The following DOCK5 variants were observed in gnomAD, a reference collection of about 807,000 sequenced individuals.
DOCK5 encodes the protein dedicator of cytokinesis 5.
DOCK5 carries 142 observed loss-of-function variants against 251.8 expected under a neutral mutation model. The ratio of observed to expected loss-of-function variants is 0.56; its 90% CI spans 0.49 to 0.65. DOCK5 has a LOEUF of 0.65. Ranked by LOEUF, DOCK5 falls within the 30% of genes least tolerant of loss-of-function variation. The pLI is 0.00. For missense variants in DOCK5, 2,111 were observed against 2,312.3 expected, an observed-to-expected ratio of 0.91 and a Z score of 1.79; for synonymous variants, 842 against 835.5, an observed-to-expected ratio of 1.01 and a Z score of -0.13.
In DOCK5 at chr8:25,292,107, G is replaced by A. The variant is rs771880607; in HGVS notation, c.405G>A (p.Thr135=). Reference sequence around the variant, plus strand: ...GGCGGTCCCAGATCCTGTCTGGGACGCTCCCCAAGGATGAACTGGCAGAGC... The same window carrying A: ...GGCGGTCCCAGATCCTGTCTGGGACACTCCCCAAGGATGAACTGGCAGAGC... ...IEWRSQILSG[T]LPKDELAELK... The change falls in exon 6 of 52, where the codon ACG becomes ACA. Residue 135 remains threonine, a synonymous_variant. Transcript: ENST00000276440. 1.2e-5 allele frequency: 19 copies of A among 1,588,774 alleles called. No homozygotes were observed. Among genetic ancestry groups the A allele is most frequent in the Non-Finnish European group, 1.4e-5 (16 of 1,166,952 alleles).
At chr8:25,365,561 G>T (rs1035812786) in intron 30 of DOCK5, among the ~76,000 whole-genome samples, 1 of 152,192 alleles carries the variant, frequency 6.6e-6, no homozygotes, top group African/African-American at 2.4e-5. Flanking sequence ...GAATTTTCTG[G>T]CGTTTAAATA....
intron 13 of DOCK5, among the ~76,000 whole-genome samples, 198 bp downstream of exon 13, chr8:25,310,730 A>C (rs1023215382): frequency 5.9e-5 from 9 of 152,208 alleles, no homozygotes; most frequent in African/African-American, 2.2e-4. Context: ...ACAAATATAA[A>C]AACCTCTGCT....
intron 16 of DOCK5, 136 bp downstream of exon 16, chr8:25,321,188 C>G (rs1247370685): frequency 2.8e-6 from 2 of 717,668 alleles, no homozygotes; most frequent in Non-Finnish European, 4.7e-6. Context: ...CTCACTGGTG[C>G]TAAGGAAATC....
At chr8:25,215,638 A>G (rs1802224606) in intron 1 of DOCK5, among the ~76,000 whole-genome samples, 2 of 152,090 alleles carry the variant, frequency 1.3e-5, no homozygotes, top group African/African-American at 2.4e-5. Context: ...TCCCTTGGTC[A>G]TTGTGTTATT....
chr8:25,320,887 G>A lies in DOCK5; in HGVS notation c.1543-93G>A, dbSNP rs576498615. 54 of 1,088,814 alleles carry A rather than the reference G, an allele frequency of 5.0e-5. No individual in the cohort carries two copies. In the African/African-American group the frequency reaches 6.7e-4, roughly 14 times the overall value. The allele number at this position is 1,088,814 out of a possible 1,614,324, so 67.4% of individuals were successfully genotyped here. ...CTCACTCTCTAGTAATTTGTGCTGTGGAAAGTATAAAATTGAGCCTAATTC... is the reference window on the plus strand; with the variant it reads ...CTCACTCTCTAGTAATTTGTGCTGTAGAAAGTATAAAATTGAGCCTAATTC... On this transcript the variant is annotated intron_variant, in intron 15 of 51. Transcript: ENST00000276440.
At position 25,332,299 on chromosome 8, in the gene DOCK5, A is replaced by G. The variant is rs1805700631; in HGVS notation, c.1952A>G (p.Lys651Arg). 1.2e-6 allele frequency: 2 copies of G among 1,613,614 alleles called. No homozygotes were observed. Among genetic ancestry groups the G allele is most frequent in the East Asian group, 4.5e-5 (2 of 44,812 alleles). Reference sequence around the variant, plus strand: ...TGGCGTTCCAACTCCCAGAACATTAAACACAACCTAAAGAAGTTAATGGAA... The same window carrying G: ...TGGCGTTCCAACTCCCAGAACATTAGACACAACCTAAAGAAGTTAATGGAA... Reference protein sequence around the residue: ...LNWRSNSQNIKHNLKKLMEVD... With the variant: ...LNWRSNSQNIRHNLKKLMEVD... Residue 651 changes from lysine to arginine, a missense_variant, in exon 19 of 52, where the codon AAA becomes AGA. Lys to Arg is a conservative substitution (Grantham distance 26, BLOSUM62 2). Transcript: ENST00000276440.
At chr8:25,294,569 C>T (rs560366008) in intron 6 of DOCK5, among the ~76,000 whole-genome samples, 1 of 152,216 alleles carries the variant, frequency 6.6e-6, no homozygotes, top group African/African-American at 2.4e-5. Context: ...AGGGATTGCA[C>T]CCACGATATG....
intron 1 of DOCK5, among the ~76,000 whole-genome samples, chr8:25,233,059 G>A (rs1802710681): frequency 6.6e-6 from 1 of 152,022 alleles, no homozygotes; most frequent in African/African-American, 2.4e-5. Context: ...TCTTCTCTCT[G>A]GTTCTCTGCC....
In DOCK5 at chr8:25,358,972, G is replaced by A. The variant is rs769524180; in HGVS notation, c.2860G>A (p.Val954Met). The part of the protein sequence containing the change: ...NRQSPHIGSF[V>M]ACMIALLQQM... Reference sequence around the variant, plus strand: ...TTCCTTTTCCTTCCAGGGGAGTTTTGTGGCTTGCATGATTGCCCTGCTGCA... The same window carrying A: ...TTCCTTTTCCTTCCAGGGGAGTTTTATGGCTTGCATGATTGCCCTGCTGCA... Residue 954 changes from valine to methionine, a missense_variant, in exon 28 of 52, where the codon GTG (valine) becomes ATG (methionine). Physicochemically the swap from Val to Met is conservative, Grantham distance 21 (BLOSUM62 1). This residue lies in a region of DOCK5 where 1,717 missense variants were observed against 1,892.4 expected (regional missense o/e 0.91). Coordinates refer to ENST00000276440, the MANE Select transcript of DOCK5 (RefSeq NM_024940.8). 4 of 1,613,858 alleles carry A rather than the reference G, an allele frequency of 2.5e-6. No individual in the cohort carries two copies. In the South Asian group the frequency reaches 4.4e-5, roughly 18 times the overall value.
At position 25,240,347 on chromosome 8, in the gene DOCK5, A is replaced by G. The variant is rs567721732; in HGVS notation, c.44-3327A>G. ...CATAAAATCCACCCGTTTTAAGCATATAATTCACTGATTTTTAGTAAATTT... is the reference window on the plus strand; with the variant it reads ...CATAAAATCCACCCGTTTTAAGCATGTAATTCACTGATTTTTAGTAAATTT... On this transcript the variant is annotated intron_variant, in intron 1 of 51. Coordinates refer to ENST00000276440, the MANE Select transcript of DOCK5 (RefSeq NM_024940.8). Among the ~76,000 whole-genome samples, 8 of 151,996 alleles carry G rather than the reference A, an allele frequency of 5.3e-5. No individual in the cohort carries two copies. In the South Asian group the frequency reaches 1.7e-3, roughly 31 times the overall value.
intron 40 of DOCK5, among the ~76,000 whole-genome samples, chr8:25,385,982 A>G (rs146760374): frequency 6.6e-6 from 1 of 152,356 alleles, no homozygotes; most frequent in African/African-American, 2.4e-5. Flanking sequence ...TAGCAGGTCC[A>G]AAAGCTATGA....
rs1801656467 is a variant in DOCK5 at position 25,412,913 on chromosome 8, T to C, written c.*1615T>C. 1 of 152,134 alleles carries C rather than the reference T, an allele frequency of 6.6e-6. No individual in the cohort carries two copies. Among genetic ancestry groups the C allele is most frequent in the Non-Finnish European group, 1.5e-5 (1 of 68,030 alleles). 9.4% of individuals were successfully genotyped at this position (152,134 alleles called of 1,614,324 possible). The stretch of plus-strand genomic sequence containing the variant: ...TCCAGGGCGTTACTTAAGAAATGAG[T>C]ATGCAGATTCTGGAAGGGGTGTGGA... On this transcript the variant is annotated 3_prime_UTR_variant, in exon 52 of 52. Transcript: ENST00000276440.
chr8:25,251,992 CAAAA>C (rs35842362), intron 2 of DOCK5, among the ~76,000 whole-genome samples: 16 of 136,296 alleles, frequency 1.2e-4, no homozygotes, highest in African/African-American at 1.9e-4. Flanking sequence ...GACTCTATCT[CAAAA>C]AAAAAAAAAA....
chr8:25,287,356 G>T (rs924005359), intron 5 of DOCK5, among the ~76,000 whole-genome samples: 1 of 152,040 alleles, frequency 6.6e-6, no homozygotes, highest in Non-Finnish European at 1.5e-5. Flanking sequence ...AACCCAGGAG[G>T]TGGAGGTTGC....
At chr8:25,294,210 G>T (rs943728922) in intron 6 of DOCK5, among the ~76,000 whole-genome samples, 2 of 152,164 alleles carry the variant, frequency 1.3e-5, no homozygotes, top group African/African-American at 4.8e-5. Context: ...AAATGGAGCT[G>T]CTGTGTCAGT....
At chr8:25,381,859 C>T (rs752386736) in intron 39 of DOCK5, among the ~76,000 whole-genome samples, 101 of 152,012 alleles carry the variant, frequency 6.6e-4, no homozygotes, top group Admixed American at 1.3e-3. Flanking sequence ...AGCTGGAAAG[C>T]CCCTCATCTT....
chr8:25,317,773 G>T (rs1358865399), intron 14 of DOCK5, among the ~76,000 whole-genome samples: 1 of 152,110 alleles, frequency 6.6e-6, no homozygotes, highest in Non-Finnish European at 1.5e-5. Flanking sequence ...ACCACGCCCG[G>T]CTAATTTTTT....
chr8:25,261,962 T>C (rs1391053366), intron 2 of DOCK5, among the ~76,000 whole-genome samples: 1 of 152,248 alleles, frequency 6.6e-6, no homozygotes, highest in South Asian at 2.1e-4. Flanking sequence ...GGTATAACTA[T>C]ATTACGTATT....
intron 6 of DOCK5, among the ~76,000 whole-genome samples, chr8:25,292,593 A>C (rs1804521561): frequency 6.6e-6 from 1 of 152,188 alleles, no homozygotes; most frequent in South Asian, 2.1e-4. Context: ...TACAATAAAT[A>C]TTTGGAAATT....
Sources: allele counts gnomAD v4.1 joint callset (sites outside exome capture counted in the v4.1 genomes callset), GRCh38; gene constraint gnomAD v4.1.1; regional missense constraint gnomAD v4.1.1; transcripts MANE v1.5; gene names NCBI Gene and HGNC (gene_info 2026-07-23, HGNC 2026-07-21).